Variants in CNTNAP2 observed in about 807,000 individuals in gnomAD.
CNTNAP2 encodes the protein contactin associated protein 2.
CNTNAP2 carries 98 observed loss-of-function variants against 155.2 expected under a neutral mutation model. The observed-to-expected ratio is 0.63, with a 90% CI of 0.54 to 0.75. CNTNAP2 has a LOEUF of 0.75. CNTNAP2 is among the 30% of genes least tolerant of loss of function. CNTNAP2 has a pLI of 0.00. For missense variants in CNTNAP2, 1,727 were observed against 1,688.1 expected, an observed-to-expected ratio of 1.02 and a Z score of -0.40; for synonymous variants, 651 against 631.2, an observed-to-expected ratio of 1.03 and a Z score of -0.47.
intron 15 of CNTNAP2, among the ~76,000 whole-genome samples, chr7:147,984,929 A>G (rs1801590128): frequency 6.6e-6 from 1 of 152,080 alleles, no homozygotes; most frequent in African/African-American, 2.4e-5. Context: ...AGCCTGGCCA[A>G]CATGGTGAAA....
intron 21 of CNTNAP2, among the ~76,000 whole-genome samples, chr7:148,344,146 C>G (rs1382842902): frequency 1.3e-5 from 2 of 152,160 alleles, no homozygotes; most frequent in Non-Finnish European, 2.9e-5. Context: ...CTCAGTCTCT[C>G]CTAGCAGATT....
chr7:146,138,912 A>G (rs1797836257), intron 1 of CNTNAP2, among the ~76,000 whole-genome samples: 1 of 152,134 alleles, frequency 6.6e-6, no homozygotes, highest in Non-Finnish European at 1.5e-5. Flanking sequence ...TATCAAATAT[A>G]TGCTCCCCAG....
At chr7:147,917,040 C>A (rs1160864769) in intron 14 of CNTNAP2, among the ~76,000 whole-genome samples, 1 of 152,202 alleles carries the variant, frequency 6.6e-6, no homozygotes, top group Non-Finnish European at 1.5e-5. Context: ...TGACCATGGC[C>A]TTTCTCCTAG....
At chr7:147,318,820 T>C (rs1422552059) in intron 9 of CNTNAP2, among the ~76,000 whole-genome samples, 1 of 152,122 alleles carries the variant, frequency 6.6e-6, no homozygotes, top group African/African-American at 2.4e-5. Flanking sequence ...ATCCCAGAAC[T>C]TAAAGTAAAA....
chr7:146,826,701 T>C (rs909829970), intron 2 of CNTNAP2, among the ~76,000 whole-genome samples: 1 of 152,100 alleles, frequency 6.6e-6, no homozygotes, highest in African/African-American at 2.4e-5. Context: ...ACTCCTTTCC[T>C]AGTGTGGTCC....
chr7:148,028,653 G>GAC (rs1270670560), intron 15 of CNTNAP2, among the ~76,000 whole-genome samples: 1 of 152,144 alleles, frequency 6.6e-6, no homozygotes, highest in Non-Finnish European at 1.5e-5. Context: ...AATAAAGTGA[G>GAC]ACACAACCTG....
chr7:146,464,187 G>GTTTTTTT (rs369508603), intron 1 of CNTNAP2, among the ~76,000 whole-genome samples: 11 of 91,536 alleles, frequency 1.2e-4, no homozygotes, highest in Middle Eastern at 7.0e-3. Flanking sequence ...CTTTGAAACT[G>GTTTTTTT]TTTTTTTTTT....
intron 1 of CNTNAP2, among the ~76,000 whole-genome samples, chr7:146,398,302 G>A (rs953864287): frequency 2.6e-5 from 4 of 151,272 alleles, no homozygotes; most frequent in Non-Finnish European, 5.9e-5. Flanking sequence ...AAGGAATCAG[G>A]GAACTTATAA....
intron 9 of CNTNAP2, among the ~76,000 whole-genome samples, chr7:147,304,767 G>A (rs1318421052): frequency 6.6e-6 from 1 of 152,186 alleles, no homozygotes; most frequent in Non-Finnish European, 1.5e-5. Context: ...ACATAACTGT[G>A]TTGGTCAGTT....
chr7:146,722,023 G>T (rs999456480), intron 1 of CNTNAP2, among the ~76,000 whole-genome samples: 5 of 149,654 alleles, frequency 3.3e-5, no homozygotes. Context: ...GAGAAGCTGG[G>T]ATTACAGGTG....
At chr7:146,714,709 G>A (rs967790857) in intron 1 of CNTNAP2, among the ~76,000 whole-genome samples, 3 of 152,040 alleles carry the variant, frequency 2.0e-5, no homozygotes, top group Non-Finnish European at 2.9e-5. Context: ...AAATAAAAAT[G>A]GGTTATTTCT....
chr7:148,416,422 C>T lies in CNTNAP2; in HGVS notation c.*806C>T, dbSNP rs1264321565. On this transcript the variant is annotated 3_prime_UTR_variant, in exon 24 of 24. Coordinates refer to ENST00000361727, the MANE Select transcript of CNTNAP2 (RefSeq NM_014141.6). ...GCAATACCATGGTGACCAGCTGTTA[C>T]AAAAGATTTTTTCCTGTTTTATCTG... 6.6e-6 allele frequency: 1 copy of T among 151,798 alleles called. No homozygotes were observed. The highest frequency in any genetic ancestry group is 2.4e-5 in the African/African-American group (1 of 41,388). The allele number at this position is 151,798 out of a possible 1,614,324, so 9.4% of individuals were successfully genotyped here.
intron 20 of CNTNAP2, 35 bp from the exon 21 acceptor site, chr7:148,266,998 T>G: frequency 6.3e-7 from 1 of 1,591,180 alleles, no homozygotes; most frequent in Non-Finnish European, 8.6e-7. Flanking sequence ...GGTAGAGACG[T>G]GCTTCTAAAA....
chr7:146,762,252 C>G (rs527536339), intron 1 of CNTNAP2, among the ~76,000 whole-genome samples: 60 of 152,234 alleles, frequency 3.9e-4, no homozygotes, highest in African/African-American at 1.4e-3. Flanking sequence ...GGCAAAATAT[C>G]ACATTTTGTC....
intron 15 of CNTNAP2, among the ~76,000 whole-genome samples, chr7:147,981,789 G>A (rs111888709): frequency 9.0e-5 from 5 of 55,582 alleles, no homozygotes; most frequent in African/African-American, 1.9e-4. Flanking sequence ...CCTTACAGGT[G>A]TGTGTGTGTG....
intron 3 of CNTNAP2, among the ~76,000 whole-genome samples, chr7:146,943,845 A>C (rs1365531469): frequency 6.6e-6 from 1 of 152,202 alleles, no homozygotes; most frequent in African/African-American, 2.4e-5. Flanking sequence ...ATTACTGGAG[A>C]GATAAACTGC....
At chr7:146,464,960 C>T (rs79144190) in intron 1 of CNTNAP2, among the ~76,000 whole-genome samples, 3,118 of 152,188 alleles carry the variant, frequency 0.02, 70 homozygotes, top group African/African-American at 0.05. Flanking sequence ...GCTGCCTTTT[C>T]TGCAGTCTAT....
At chr7:147,311,633 A>G (rs896629507) in intron 9 of CNTNAP2, among the ~76,000 whole-genome samples, 1 of 152,202 alleles carries the variant, frequency 6.6e-6, no homozygotes, top group Admixed American at 6.5e-5. Context: ...TAATGACACA[A>G]AAATGCAATA....
intron 21 of CNTNAP2, among the ~76,000 whole-genome samples, chr7:148,295,307 A>G (rs954767973): frequency 6.6e-6 from 1 of 152,058 alleles, no homozygotes; most frequent in Non-Finnish European, 1.5e-5. Flanking sequence ...AATTGTAAAG[A>G]CCCTAAGTCG....
Sources: allele counts gnomAD v4.1 joint callset (sites outside exome capture counted in the v4.1 genomes callset), GRCh38; gene constraint gnomAD v4.1.1; transcripts MANE v1.5; gene names NCBI Gene and HGNC (gene_info 2026-07-23, HGNC 2026-07-21).